RIT2: variants seen among roughly 807,000 people sequenced by gnomAD.
RIT2 encodes the protein Ras like without CAAX 2.
A neutral mutation model predicts 23.7 loss-of-function variants in RIT2; 24 were observed. The observed-to-expected ratio is 1.01, with a 90% CI of 0.73 to 1.43. RIT2 has a LOEUF of 1.43. RIT2 is among the 40% of genes most tolerant of loss of function. The pLI is 0.00. For synonymous variants in RIT2, 107 were observed against 91.1 expected (o/e 1.17, Z -0.99); for missense variants, 236 against 266.9 (o/e 0.88, Z 0.81).
chr18:43,107,721 G>C (rs180973430), intron 1 of RIT2, among the ~76,000 whole-genome samples: 2 of 152,116 alleles, frequency 1.3e-5, no homozygotes, highest in Admixed American at 6.5e-5. Flanking sequence ...CCAGTCTTTG[G>C]CACCTCCATG....
At chr18:43,089,468 A>G (rs1913366723) in intron 1 of RIT2, among the ~76,000 whole-genome samples, 1 of 152,050 alleles carries the variant, frequency 6.6e-6, no homozygotes, top group Non-Finnish European at 1.5e-5. Context: ...TCATGGATAG[A>G]AAGAATCAAT....
intron 4 of RIT2, among the ~76,000 whole-genome samples, chr18:42,785,497 C>T (rs1204384882): frequency 4.0e-5 from 6 of 151,468 alleles, no homozygotes; most frequent in Admixed American, 6.6e-5. Flanking sequence ...CCAACTCCAG[C>T]TATGACTGAG....
chr18:42,901,895 C>A (rs1908485286), intron 4 of RIT2, among the ~76,000 whole-genome samples: 1 of 151,764 alleles, frequency 6.6e-6, no homozygotes, highest in Admixed American at 6.6e-5. Context: ...AAATATCCTC[C>A]CTTTTCTGAA....
chr18:42,967,254 G>A (rs1380992363), intron 3 of RIT2, among the ~76,000 whole-genome samples: 1 of 151,858 alleles, frequency 6.6e-6, no homozygotes, highest in African/African-American at 2.4e-5. Flanking sequence ...ACTGTGATTG[G>A]CTTCTATAAA....
chr18:43,043,564 G>T (rs1333425965), intron 1 of RIT2, among the ~76,000 whole-genome samples: 1 of 152,158 alleles, frequency 6.6e-6, no homozygotes, highest in East Asian at 1.9e-4. Flanking sequence ...GCCAAGGCGG[G>T]CCGATTACCT....
At chr18:43,003,226 A>G (rs1294379394) in intron 2 of RIT2, among the ~76,000 whole-genome samples, 1 of 142,420 alleles carries the variant, frequency 7.0e-6, no homozygotes, top group Admixed American at 7.2e-5. Flanking sequence ...TGACAGCAGT[A>G]GAAAACTAAT....
At chr18:42,866,181 C>A (rs1907464885) in intron 4 of RIT2, among the ~76,000 whole-genome samples, 1 of 152,106 alleles carries the variant, frequency 6.6e-6, no homozygotes, top group Admixed American at 6.5e-5. Flanking sequence ...TATTTTCTTC[C>A]ATCTTCCCTT....
intron 4 of RIT2, among the ~76,000 whole-genome samples, chr18:42,844,077 T>C (rs1906841375): frequency 6.6e-6 from 1 of 152,200 alleles, no homozygotes; most frequent in Non-Finnish European, 1.5e-5. Flanking sequence ...CCTACCATGC[T>C]CAACCCCTTG....
intron 1 of RIT2, among the ~76,000 whole-genome samples, chr18:43,081,674 C>G (rs1913161079): frequency 1.3e-5 from 2 of 152,200 alleles, no homozygotes; most frequent in South Asian, 4.2e-4. Context: ...AGAGGGAGAC[C>G]TATATTTAAA....
At chr18:42,799,938 A>G (rs144237977) in intron 4 of RIT2, among the ~76,000 whole-genome samples, 8 of 151,706 alleles carry the variant, frequency 5.3e-5, no homozygotes, top group African/African-American at 1.9e-4. Context: ...TCATTAATTT[A>G]TTATAATTGG....
At chr18:43,061,755 G>T (rs1912651772) in intron 1 of RIT2, among the ~76,000 whole-genome samples, 1 of 151,998 alleles carries the variant, frequency 6.6e-6, no homozygotes, top group South Asian at 2.1e-4. Context: ...CCACTTTCAG[G>T]TTCCCTCTCC....
intron 1 of RIT2, among the ~76,000 whole-genome samples, chr18:43,048,118 A>G (rs1912291265): frequency 6.6e-6 from 1 of 152,202 alleles, no homozygotes; most frequent in South Asian, 2.1e-4. Flanking sequence ...GAACAATTCC[A>G]TGGAGACATT....
intron 4 of RIT2, among the ~76,000 whole-genome samples, chr18:42,817,959 T>C (rs1458737559): frequency 2.6e-5 from 4 of 151,976 alleles, no homozygotes; most frequent in Non-Finnish European, 2.9e-5. Flanking sequence ...TTTCTGTTAA[T>C]AATAATATAC....
Position 43,017,826 on chromosome 18 carries a change from C to T in RIT2, c.160+15985G>A, listed in dbSNP as rs113793822. Among the ~76,000 whole-genome samples the T allele has an allele frequency of 5.8e-3, 885 of 152,118 alleles. 12 individuals are homozygous for T. The highest frequency in any genetic ancestry group is 0.02 in the African/African-American group (843 of 41,516). ...TCACACAGATGACAGTCACATGCTA[C>T]TTAAAGCCAGATGCATCAAACATCC... On this transcript the variant is annotated intron_variant, in intron 2 of 4. Coordinates refer to ENST00000326695, the MANE Select transcript of RIT2 (RefSeq NM_002930.4).
intron 1 of RIT2, among the ~76,000 whole-genome samples, chr18:43,097,935 C>T (rs1913593387): frequency 6.6e-6 from 1 of 151,898 alleles, no homozygotes; most frequent in Admixed American, 6.6e-5. Context: ...AAAACTCCAA[C>T]AGATGATTAA....
At chr18:43,067,769 G>C (rs1912803850) in intron 1 of RIT2, among the ~76,000 whole-genome samples, 1 of 152,074 alleles carries the variant, frequency 6.6e-6, no homozygotes, top group South Asian at 2.1e-4. Context: ...AGCTGTTCCT[G>C]AATTCCAAAA....
At chr18:42,960,104 T>C (rs1406450936) in intron 3 of RIT2, among the ~76,000 whole-genome samples, 2 of 152,232 alleles carry the variant, frequency 1.3e-5, no homozygotes, top group Non-Finnish European at 2.9e-5. Flanking sequence ...TCTTCTGTGG[T>C]AGATTCCCAA....
intron 4 of RIT2, among the ~76,000 whole-genome samples, chr18:42,869,989 G>A (rs1907580377): frequency 6.6e-6 from 1 of 152,108 alleles, no homozygotes; most frequent in African/African-American, 2.4e-5. Flanking sequence ...TTCTCTCTGG[G>A]ATCTGTAAGT....
At chr18:42,771,122 AT>A (rs563474529) in intron 4 of RIT2, among the ~76,000 whole-genome samples, 40 of 151,694 alleles carry the variant, frequency 2.6e-4, no homozygotes, top group African/African-American at 6.5e-4. Context: ...AAACTACGTA[AT>A]TTTTTTTTAT....
Sources: allele counts gnomAD v4.1 joint callset (sites outside exome capture counted in the v4.1 genomes callset), GRCh38; gene constraint gnomAD v4.1.1; transcripts MANE v1.5; gene names NCBI Gene and HGNC (gene_info 2026-07-23, HGNC 2026-07-21).